The following CTBP2 variants were observed in gnomAD, a reference collection of about 807,000 sequenced individuals.
CTBP2 encodes the protein C-terminal-binding protein 2.
CTBP2 carries 30 observed loss-of-function variants against 80.3 expected under a neutral mutation model. The ratio of observed to expected loss-of-function variants is 0.37; its 90% CI spans 0.28 to 0.51. The LOEUF (loss-of-function observed/expected upper bound fraction) is 0.51. Ranked by LOEUF, CTBP2 falls within the 20% of genes least tolerant of loss-of-function variation. CTBP2 has a pLI of 0.93. For missense variants in CTBP2, 1,212 were observed against 1,375.3 expected (o/e 0.88, Z 1.88); for synonymous variants, 594 against 587.4 (o/e 1.01, Z -0.16).
chr10:125,053,359 C>T lies in CTBP2; in HGVS notation c.-101-14204G>A, dbSNP rs928513990. 3.3e-5 allele frequency among the ~76,000 whole-genome samples: 5 copies of T among 152,188 alleles called. 1 individual carries two copies. Among genetic ancestry groups the T allele is most frequent in the Non-Finnish European group, 7.3e-5 (5 of 68,042 alleles). ...TCTTTTGAATGGCAACCTCACTGCCCGCCGAACAGAGAGCAAGAGGACACA... is the reference window on the plus strand; with the variant it reads ...TCTTTTGAATGGCAACCTCACTGCCTGCCGAACAGAGAGCAAGAGGACACA... On this transcript the variant is annotated intron_variant, in intron 2 of 10. Transcript: ENST00000337195.
intron 1 of CTBP2, among the ~76,000 whole-genome samples, chr10:125,020,303 G>A (rs1478714916): frequency 1.3e-5 from 2 of 152,090 alleles, no homozygotes; most frequent in East Asian, 3.9e-4. Context: ...GGGGGTTGGG[G>A]GGATGGGATG....
At chr10:125,049,407 T>C (rs1338943785) in intron 2 of CTBP2, among the ~76,000 whole-genome samples, 2 of 152,188 alleles carry the variant, frequency 1.3e-5, no homozygotes, top group Non-Finnish European at 2.9e-5. Flanking sequence ...CCCACACACG[T>C]GCGGATCCTG....
intron 2 of CTBP2, among the ~76,000 whole-genome samples, chr10:125,043,626 C>A (rs1479443217): frequency 6.6e-6 from 1 of 152,026 alleles, no homozygotes; most frequent in Admixed American, 6.6e-5. Flanking sequence ...TTAGTAGAGA[C>A]TGGGTTTCAC....
intron 2 of CTBP2, among the ~76,000 whole-genome samples, chr10:125,050,986 T>C (rs1962610912): frequency 1.3e-5 from 2 of 152,350 alleles, no homozygotes; most frequent in South Asian, 2.1e-4. Flanking sequence ...CAGTCACCTA[T>C]GTGGAGAATT....
At chr10:125,005,557 C>T (rs756543871) in intron 1 of CTBP2, 6 of 1,610,890 alleles carry the variant, frequency 3.7e-6, no homozygotes, top group Non-Finnish European at 5.1e-6. Context: ...CAGCCCACGA[C>T]CTGTATGAGT....
rs191323602 is a variant in CTBP2, at chr10:125,081,235, G to A, written c.-102+29755C>T. On this transcript the variant is annotated intron_variant, in intron 2 of 10. Coordinates refer to the CTBP2 transcript ENST00000337195. ...AACATCAATGTCATGGTACAAAGGAGGACAAGAAACGGTTCCAGATTAAAG... is the reference window on the plus strand; with the variant it reads ...AACATCAATGTCATGGTACAAAGGAAGACAAGAAACGGTTCCAGATTAAAG... Among the ~76,000 whole-genome samples, 3 of 152,246 alleles carry A rather than the reference G, an allele frequency of 2.0e-5. No individual in the cohort carries two copies. In the East Asian group the frequency reaches 5.8e-4, roughly 29 times the overall value.
chr10:125,028,331 A>G (rs1357127828), upstream of CTBP2, among the ~76,000 whole-genome samples: 4 of 152,224 alleles, frequency 2.6e-5, no homozygotes, highest in African/African-American at 9.6e-5. Context: ...CCTGAGAGGT[A>G]ACAGAAGCAA....
chr10:125,107,921 T>C (rs1331560230), intron 2 of CTBP2, among the ~76,000 whole-genome samples: 1 of 152,252 alleles, frequency 6.6e-6, no homozygotes, highest in Non-Finnish European at 1.5e-5. Flanking sequence ...TTCCCCCTCA[T>C]TTATGAGCAT....
intron 2 of CTBP2, among the ~76,000 whole-genome samples, chr10:125,082,181 C>T (rs12569889): frequency 2.0e-5 from 3 of 152,176 alleles, no homozygotes; most frequent in African/African-American, 7.2e-5. Context: ...CCCTCCTCCC[C>T]CCAGGCAGCC....
chr10:125,152,340 G>A (rs1303911391), intron 1 of CTBP2, among the ~76,000 whole-genome samples: 7 of 152,206 alleles, frequency 4.6e-5, no homozygotes, highest in African/African-American at 1.4e-4. Context: ...TCCAGGTAGA[G>A]CGCGGCCAGG....
intron 1 of CTBP2, among the ~76,000 whole-genome samples, chr10:125,154,035 A>G (rs1309765787): frequency 6.6e-6 from 1 of 152,242 alleles, no homozygotes; most frequent in East Asian, 1.9e-4. Flanking sequence ...AGACACAGAA[A>G]TATTGCCACT....
rs113490229 is a variant in CTBP2, at chr10:124,990,538, C to G, written c.2778-840G>C. On this transcript the variant is annotated intron_variant, in intron 8 of 8. Transcript: ENST00000309035. ...TATTTATGAATGTGGATACATTATACTATTTAAAAAAACCCACTTTGTACA... is the reference window on the plus strand; with the variant it reads ...TATTTATGAATGTGGATACATTATAGTATTTAAAAAAACCCACTTTGTACA... Among the ~76,000 whole-genome samples, 759 of 152,292 alleles carry G rather than the reference C, an allele frequency of 5.0e-3. 4 individuals are homozygous for G. The highest frequency in any genetic ancestry group is 0.015 in the African/African-American group (617 of 41,540).
intron 1 of CTBP2, among the ~76,000 whole-genome samples, chr10:125,148,469 G>T (rs746694568): frequency 6.6e-6 from 1 of 152,186 alleles, no homozygotes; most frequent in Admixed American, 6.5e-5. Context: ...AGAGAATTAG[G>T]AAAGTAAACT....
At chr10:125,162,460 T>G (rs990889570), upstream of CTBP2, 4 of 152,314 alleles carry the variant, frequency 2.6e-5, no homozygotes, top group African/African-American at 9.6e-5. Context: ...GCCGCGGGGC[T>G]TGTTTGCCAA....
intron 2 of CTBP2, among the ~76,000 whole-genome samples, chr10:125,067,778 T>C (rs1443358598): frequency 6.6e-6 from 1 of 152,196 alleles, no homozygotes; most frequent in African/African-American, 2.4e-5. Context: ...GGCCCTGACC[T>C]GTACACTGAC....
At chr10:125,129,562 T>C (rs923492958) in intron 1 of CTBP2, among the ~76,000 whole-genome samples, 1 of 152,088 alleles carries the variant, frequency 6.6e-6, no homozygotes, top group African/African-American at 2.4e-5. Flanking sequence ...GGGGGCACAG[T>C]GTGTCCTGCC....
In CTBP2 at chr10:125,026,153, G is replaced by A. The variant is rs776649111; in HGVS notation, c.1607C>T (p.Ser536Leu). 1.2e-6 allele frequency: 2 copies of A among 1,608,742 alleles called. No individual in the cohort carries two copies. Among genetic ancestry groups the A allele is most frequent in the Non-Finnish European group, 1.7e-6 (2 of 1,176,098 alleles). The stretch of plus-strand genomic sequence containing the variant: ...GCGCCGGGCCACCTTCTGGTACGGT[G>A]AGTGAGGCGTGTGGAGGCTCTGGCT... Residue 536 changes from serine to leucine, a missense_variant, in exon 1 of 9, where the codon TCA becomes TTA. Coordinates refer to ENST00000309035, the MANE Select transcript of CTBP2 (RefSeq NM_022802.3).
intron 4 of CTBP2, chr10:124,997,688 T>C (rs574658614): frequency 3.9e-6 from 2 of 519,240 alleles, no homozygotes; most frequent in Admixed American, 3.6e-5. Flanking sequence ...CACAGCGCCT[T>C]GCCCGCTGCC....
intron 1 of CTBP2, among the ~76,000 whole-genome samples, chr10:125,159,198 TGTCCCTGCGCCGCACCGG>T (rs1396649947): frequency 6.7e-6 from 1 of 149,776 alleles, no homozygotes; most frequent in African/African-American, 2.4e-5. Flanking sequence ...GCGGCCCGGC[TGTCCCTGCGCCGCACCGG>T]GTCCCTGCCG....
Sources: gnomAD v4.1 joint callset for allele counts (sites outside exome capture counted in the v4.1 genomes callset) on GRCh38, gnomAD v4.1.1 for gene constraint, MANE v1.5 for transcripts, NCBI Gene and HGNC (gene_info 2026-07-23, HGNC 2026-07-21) for gene names.